MICAL1: variants seen among roughly 807,000 people sequenced by gnomAD.
MICAL1 encodes [F-actin]-monooxygenase MICAL1.
A neutral mutation model predicts 131.8 loss-of-function variants in MICAL1; 95 were observed. The ratio of observed to expected loss-of-function variants is 0.72; its 90% confidence interval spans 0.61 to 0.86. The LOEUF (loss-of-function observed/expected upper bound fraction) is 0.86, where lower values mean the gene tolerates loss of function less well. Among genes scored for constraint, MICAL1 ranks in the 40% least tolerant of loss-of-function variants. MICAL1 has a pLI of 0.00. For synonymous variants in MICAL1, 546 were observed against 554.2 expected (o/e 0.99, Z 0.21); for missense variants, 1,292 against 1,380.6 (o/e 0.94, Z 1.02).
At chr6:109,446,482 G>A in intron 18 of MICAL1, 70 bp from the exon 19 acceptor site, 1 of 1,493,990 alleles carries the variant, frequency 6.7e-7, no homozygotes, top group Non-Finnish European at 9.2e-7. Context: ...GTGAGCCTTG[G>A]CATTCATTCA....
Position 109,451,778 on chromosome 6 carries a change from G to A in MICAL1, c.833-78C>T, listed in dbSNP as rs1369034600. The stretch of plus-strand genomic sequence containing the variant: ...TTCCCTAAACATCCCAACATGGCCT[G>A]ACCTCTGAGCTGGGATCCCAGCTTA... On this transcript the variant is annotated intron_variant, in intron 6 of 24. Transcript: ENST00000358807. 4 of 1,575,474 alleles carry A rather than the reference G, an allele frequency of 2.5e-6. No individual in the cohort carries two copies. The East Asian group carries it at 6.8e-5, about 27-fold the overall frequency.
chr6:109,454,998 C>A (rs1387839989), intron 1 of MICAL1: 1 of 152,264 alleles, frequency 6.6e-6, no homozygotes, highest in Non-Finnish European at 1.5e-5. Context: ...GGGTCGACCG[C>A]AGCCGGGTGC....
At chr6:109,453,193 T>C (rs1168143853) in intron 4 of MICAL1, 70 bp downstream of exon 4, 3 of 1,279,046 alleles carry the variant, frequency 2.3e-6, no homozygotes, top group Non-Finnish European at 3.4e-6. Context: ...TCCTGGCCCA[T>C]CCTTTTTCAG....
rs757611652 is a variant in MICAL1, at chr6:109,445,205, C to T, written c.2873G>A (p.Arg958His). ...EGVKLELALR[R>H]QSSSPEQQKK... ...CCTAGCTTGTCACTCACTGCTCTGG[C>T]GCCTCAAGGCCAGCTCCAGCTTCAC... Residue 958 changes from arginine (R) to histidine (H), a missense_variant, in exon 22 of 25, where the codon CGC (arginine) becomes CAC (histidine). Arg to His is a conservative substitution (Grantham distance 29). Coordinates refer to ENST00000358807, the MANE Select transcript of MICAL1 (RefSeq NM_022765.4). 1.2e-5 allele frequency: 20 copies of T among 1,613,146 alleles called. No individual in the cohort carries two copies. Among genetic ancestry groups the T allele is most frequent in the East Asian group, 6.7e-5 (3 of 44,898 alleles).
rs547899319 is a variant in MICAL1, at chr6:109,451,527, G to A, written c.933+73C>T. The A allele has an allele frequency of 5.0e-5, 79 of 1,575,750 alleles. No homozygotes were observed. The East Asian group carries it at 1.5e-3, about 30-fold the overall frequency. ...GACGGGGTCCCCACACCCAGGTGTC[G>A]ACTATGTCCAAGCCTAGCCTCTGCC... On this transcript the variant is annotated intron_variant, in intron 7 of 24. Coordinates refer to ENST00000358807, the MANE Select transcript of MICAL1 (RefSeq NM_022765.4).
At chr6:109,451,804 G>C (rs1375191978) in intron 6 of MICAL1, 104 bp from the exon 7 acceptor site, 10 of 1,528,512 alleles carry the variant, frequency 6.5e-6, no homozygotes, top group Non-Finnish European at 8.8e-6. Context: ...TCCCAGCTTA[G>C]GCTGCGGTGA....
In MICAL1 at chr6:109,447,216, TCCCCAGCA is replaced by T. The variant is rs781251443; in HGVS notation, c.2076_2083del (p.Ala693ProfsTer33). The T allele has an allele frequency of 3.1e-6, 5 of 1,613,920 alleles. No homozygotes were observed. Among genetic ancestry groups the T allele is most frequent in the Non-Finnish European group, 4.2e-6 (5 of 1,179,900 alleles). On this transcript the variant is annotated frameshift_variant, in exon 17 of 25. Transcript: ENST00000358807. LOFTEE classifies it high-confidence loss of function. ...GTGTTCCCCACAAAGTGCACACAGG[TCCCCAGCA>T]CCGGCCTGCGTGGACCCCCAGGACA...
chr6:109,448,970 G>A (rs1775381440), intron 11 of MICAL1, 91 bp from the exon 12 acceptor site: 58 of 1,537,314 alleles, frequency 3.8e-5, no homozygotes, highest in Non-Finnish European at 5.1e-5. Context: ...GGTTCTGTAG[G>A]GGAGGAGGAG....
upstream of MICAL1, among the ~76,000 whole-genome samples, chr6:109,457,500 C>T (rs1041923199): frequency 6.6e-6 from 1 of 151,730 alleles, no homozygotes; most frequent in African/African-American, 2.4e-5. Context: ...CTAATAAAAC[C>T]GAGGAATAAA....
chr6:109,454,321 T>C, intron 1 of MICAL1, 82 bp from the exon 2 acceptor site: 1 of 1,344,964 alleles, frequency 7.4e-7, no homozygotes, highest in Non-Finnish European at 1.0e-6. Flanking sequence ...AGCAGGCTGG[T>C]GTCCCCAGGG....
At chr6:109,451,877 G>A in intron 6 of MICAL1, 177 bp from the exon 7 acceptor site, 1 of 1,405,986 alleles carries the variant, frequency 7.1e-7, no homozygotes, top group Non-Finnish European at 9.2e-7. Flanking sequence ...CCCAGGCCCA[G>A]GAGGCCTGAG....
chr6:109,450,179 A>G (rs2115333600), intron 8 of MICAL1, 94 bp from the exon 9 acceptor site: 2 of 1,559,666 alleles, frequency 1.3e-6, no homozygotes, highest in Non-Finnish European at 1.7e-6. Context: ...AGAAGGGGCC[A>G]TCCCCACACC....
At position 109,445,527 on chromosome 6, in the gene MICAL1, G is replaced by A. The variant is rs369912461; in HGVS notation, c.2676C>T (p.Ala892=). The A allele has an allele frequency of 6.2e-7, 1 of 1,614,034 alleles. No homozygotes were observed. Among genetic ancestry groups the A allele is most frequent in the African/African-American group, 1.3e-5 (1 of 75,062 alleles). Residue 892 remains alanine (A), a splice_region_variant and synonymous_variant, in exon 21 of 25, where the codon GCC becomes GCT. Coordinates refer to ENST00000358807, the MANE Select transcript of MICAL1 (RefSeq NM_022765.4). ...DVPLDSDVEQ[A]LQTFAKTSGT... is the part of the protein sequence containing the mutation. ...CTGAGGTCTTGGCAAAGGTCTGCAG[G>A]GCCTATAGGAGGGTCAGGCCAGTCA...
chr6:109,461,777 G>C (rs1338809307), intron 1 of MICAL1, among the ~76,000 whole-genome samples: 10 of 152,012 alleles, frequency 6.6e-5, no homozygotes, highest in Admixed American at 5.9e-4. Flanking sequence ...TAAGAAAATT[G>C]TCCTTTTCTT....
exon 1 of MICAL1, chr6:109,465,774 T>C (rs1014290881): frequency 7.8e-5 from 126 of 1,613,618 alleles, no homozygotes; most frequent in Non-Finnish European, 9.7e-5. Context: ...GTGGAGAGCC[T>C]GATTTCAAGC....
Position 109,445,854 on chromosome 6 carries a change from C to T in MICAL1, c.2590G>A (p.Ala864Thr), listed in dbSNP as rs1169129810. The change falls in exon 20 of 25, where the codon GCC (alanine) becomes ACC (threonine). Residue 864 changes from alanine to threonine, a missense_variant. Physicochemically the swap from Ala to Thr is moderately conservative, Grantham distance 58. Coordinates refer to ENST00000358807, the MANE Select transcript of MICAL1 (RefSeq NM_022765.4). ...CTCTCTTTTTCCTCCTTCTCCATGGCCACAAGAGCTGAGAAGAAGAACTGA... is the reference window on the plus strand; with the variant it reads ...CTCTCTTTTTCCTCCTTCTCCATGGTCACAAGAGCTGAGAAGAAGAACTGA... ...LPVQSPQALV[A>T]MEKEEKESPF... is the part of the protein sequence containing the mutation. 6.2e-7 allele frequency: 1 copy of T among 1,602,794 alleles called. No individual in the cohort carries two copies. Among genetic ancestry groups the T allele is most frequent in the East Asian group, 2.2e-5 (1 of 44,718 alleles).
intron 11 of MICAL1, 57 bp downstream of exon 11, chr6:109,449,343 T>C (rs1775407281): frequency 1.3e-6 from 2 of 1,568,368 alleles, no homozygotes; most frequent in South Asian, 1.1e-5. Context: ...AGGGACCACC[T>C]GGGCCTCGCT....
At chr6:109,454,299 G>C (rs1775664293) in intron 1 of MICAL1, 60 bp from the exon 2 acceptor site, 2 of 1,464,484 alleles carry the variant, frequency 1.4e-6, no homozygotes, top group Non-Finnish European at 1.8e-6. Flanking sequence ...AAAAGGAAGG[G>C]GAGGCGAAGA....
Position 109,452,626 on chromosome 6 carries a change from G to C in MICAL1, c.572-11C>G, listed in dbSNP as rs1032480296. 3.7e-6 allele frequency: 6 copies of C among 1,606,396 alleles called. No individual in the cohort carries two copies. In the African/African-American group the frequency reaches 8.0e-5, roughly 22 times the overall value. ...CACGCCAGCCACTCCCTAGGGCAGG[G>C]GGTATGAGAGGCACAAAGGTGTAGA... On this transcript the variant is annotated splice_polypyrimidine_tract_variant and intron_variant, in intron 4 of 24. Coordinates refer to ENST00000358807, the MANE Select transcript of MICAL1 (RefSeq NM_022765.4).
Sources: allele counts gnomAD v4.1 joint callset (sites outside exome capture counted in the v4.1 genomes callset), GRCh38; gene constraint gnomAD v4.1.1; transcripts MANE v1.5; gene names NCBI Gene and HGNC (gene_info 2026-07-23, HGNC 2026-07-21).